The following LONP1 variants were observed in gnomAD, a reference collection of about 807,000 sequenced individuals.
LONP1 encodes the protein lon peptidase 1, mitochondrial.
LONP1 carries 31 observed loss-of-function variants against 98.5 expected under a neutral mutation model. That is an observed-to-expected ratio of 0.31 (90% CI 0.24 to 0.42). The LOEUF (loss-of-function observed/expected upper bound fraction) is 0.42, where lower values mean the gene tolerates loss of function less well. Among genes scored for constraint, LONP1 ranks in the 20% least tolerant of loss-of-function variants. LONP1 has a pLI of 1.00. For synonymous variants in LONP1, 781 were observed against 594.7 expected (o/e 1.31, Z -4.56); for missense variants, 1,336 against 1,350.6 (o/e 0.99, Z 0.17).
At chr19:5,705,538 C>T (rs543609856) in intron 8 of LONP1, among the ~76,000 whole-genome samples, 1 of 151,930 alleles carries the variant, frequency 6.6e-6, no homozygotes, top group East Asian at 1.9e-4. Context: ...CCTGCCAATT[C>T]ACAGGCCCTG....
chr19:5,693,696 G>A lies in LONP1; in HGVS notation c.2394C>T (p.Gly798=), dbSNP rs200606131. 6.3e-5 allele frequency: 101 copies of A among 1,613,974 alleles called. No individual in the cohort carries two copies. Among genetic ancestry groups the A allele is most frequent in the Non-Finnish European group, 8.3e-5 (98 of 1,179,988 alleles). Reference sequence around the variant, plus strand: ...CCAGCTGGCCTGTCACCTCCAGGCTGCCATCCTTGTCACCCTTGGCATCCT... The same window carrying A: ...CCAGCTGGCCTGTCACCTCCAGGCTACCATCCTTGTCACCCTTGGCATCCT... The part of the protein sequence containing the change: ...QDKDAKGDKD[G]SLEVTGQLGE... Residue 798 remains glycine, a synonymous_variant, in exon 16 of 18, where the codon GGC becomes GGT. Coordinates refer to ENST00000360614, the MANE Select transcript of LONP1 (RefSeq NM_004793.4).
chr19:5,713,175 G>A lies in LONP1; in HGVS notation c.597C>T (p.Asp199=). ...CGATCATGCGCAGCTTGTCCCCAAG[G>A]TCCTGCATCTCATGGATCTGGGCAA... The part of the protein sequence containing the change: ...GTFAQIHEMQ[D]LGDKLRMIVM... Residue 199 remains aspartate (D), a synonymous_variant, in exon 3 of 18, where the codon GAC becomes GAT. Transcript: ENST00000360614. 6.2e-7 allele frequency: 1 copy of A among 1,614,154 alleles called. No individual in the cohort carries two copies.
chr19:5,720,342 C>T (rs1381391489), upstream of LONP1: 2 of 740,522 alleles, frequency 2.7e-6, no homozygotes, highest in Non-Finnish European at 4.1e-6. Flanking sequence ...GCGCTGAAGG[C>T]CTTTTCCGGT....
chr19:5,695,138 T>G (rs2054903382), intron 13 of LONP1, among the ~76,000 whole-genome samples: 1 of 152,006 alleles, frequency 6.6e-6, no homozygotes, highest in East Asian at 1.9e-4. Context: ...CAATGGTATC[T>G]TAGATGCCGC....
At chr19:5,706,674 C>T (rs1157228746) in intron 7 of LONP1, among the ~76,000 whole-genome samples, 2 of 152,082 alleles carry the variant, frequency 1.3e-5, no homozygotes, top group African/African-American at 4.8e-5. Flanking sequence ...TGTGATCTGC[C>T]GAAAATCATG....
chr19:5,699,050 G>A lies in LONP1; in HGVS notation c.1662C>T (p.Asp554=), dbSNP rs375151978. Residue 554 remains aspartate (D), a synonymous_variant, in exon 10 of 18, where the codon GAC becomes GAT. Transcript: ENST00000360614. ...ACCTGTGGCCCTTGATCTCAGCCACGTCAGTCATGCCCCCGACGCTGAAGC... is the reference window on the plus strand; with the variant it reads ...ACCTGTGGCCCTTGATCTCAGCCACATCAGTCATGCCCCCGACGCTGAAGC... ...YFRFSVGGMT[D]VAEIKGHRRT... 1.6e-5 allele frequency: 25 copies of A among 1,608,236 alleles called. No individual in the cohort carries two copies. Among genetic ancestry groups the A allele is most frequent in the South Asian group, 9.9e-5 (9 of 90,786 alleles).
intron 10 of LONP1, among the ~76,000 whole-genome samples, chr19:5,697,693 C>T (rs996955044): frequency 1.3e-5 from 2 of 151,600 alleles, no homozygotes; most frequent in Non-Finnish European, 2.9e-5. Flanking sequence ...GAGCTGGGGG[C>T]AAAGGAGGGT....
At position 5,693,541 on chromosome 19, in the gene LONP1, G is replaced by A; in HGVS notation, c.2538+11C>T. ...TGGGCGGGAGCAGGTGGGAGCGGAT[G>A]GCGCGGTCACCTCGGGCACATGCAG... On this transcript the variant is annotated intron_variant, in intron 16 of 17. Transcript: ENST00000360614. The A allele has an allele frequency of 6.2e-7, 1 of 1,613,930 alleles. No individual in the cohort carries two copies. The highest frequency in any genetic ancestry group is 8.5e-7 in the Non-Finnish European group (1 of 1,179,940).
At position 5,693,442 on chromosome 19, in the gene LONP1, G is replaced by A; in HGVS notation, c.2559C>T (p.Gly853=). 6.2e-7 allele frequency: 1 copy of A among 1,611,650 alleles called. No individual in the cohort carries two copies. The highest frequency in any genetic ancestry group is 2.2e-5 in the East Asian group (1 of 44,792). ...TGACGATGGTGCAGCCTGCGCTTGGGCCGTCCTTGGGGGTGGCGCCCTGTG... is the reference window on the plus strand; with the variant it reads ...TGACGATGGTGCAGCCTGCGCTTGGACCGTCCTTGGGGGTGGCGCCCTGTG... ...HVPEGATPKD[G]PSAGCTIVTA... is the part of the protein sequence containing the mutation. Residue 853 remains glycine (G), a synonymous_variant, in exon 17 of 18, where the codon GGC becomes GGT. Transcript: ENST00000360614.
intron 4 of LONP1, chr19:5,708,801 C>G (rs2055190071): frequency 6.0e-6 from 1 of 167,216 alleles, no homozygotes; most frequent in South Asian, 1.4e-4. Flanking sequence ...ATCATGAGGT[C>G]AGGAGATCGA....
At chr19:5,696,826 T>A (rs1306952580) in intron 10 of LONP1, 69 bp from the exon 11 acceptor site, 1 of 1,077,646 alleles carries the variant, frequency 9.3e-7, no homozygotes, top group Non-Finnish European at 1.4e-6. Context: ...CCATGCACCC[T>A]CCAGGGCCAC....
At chr19:5,700,606 G>A (rs1008289252) in intron 9 of LONP1, among the ~76,000 whole-genome samples, 183 bp downstream of exon 9, 1 of 152,178 alleles carries the variant, frequency 6.6e-6, no homozygotes, top group Non-Finnish European at 1.5e-5. Flanking sequence ...CAGTCCACCT[G>A]GGAAATCCTC....
chr19:5,696,809 A>C, intron 10 of LONP1, 52 bp from the exon 11 acceptor site: 2 of 1,280,098 alleles, frequency 1.6e-6, no homozygotes, highest in Non-Finnish European at 2.3e-6. Flanking sequence ...GCTCGGCCAC[A>C]ACGACACCAT....
chr19:5,694,125 C>T (rs1222799717), intron 15 of LONP1, among the ~76,000 whole-genome samples: 1 of 152,178 alleles, frequency 6.6e-6, no homozygotes, highest in Non-Finnish European at 1.5e-5. Context: ...GCCCCAAGGC[C>T]CATCTGGATG....
intron 8 of LONP1, 28 bp from the exon 9 acceptor site, chr19:5,700,955 G>C (rs746427075): frequency 2.5e-6 from 4 of 1,613,430 alleles, no homozygotes; most frequent in Admixed American, 3.3e-5. Flanking sequence ...GAGAGATGCT[G>C]AGTGGAGCTC....
chr19:5,701,054 C>CTTTGGGAGCG, intron 8 of LONP1, 127 bp from the exon 9 acceptor site: 1 of 1,039,176 alleles, frequency 9.6e-7, no homozygotes, highest in South Asian at 1.4e-5. Context: ...TGGCTCACGC[C>CTTTGGGAGCG]TGTAATCCCA....
chr19:5,695,032 C>T, intron 13 of LONP1, 131 bp from the exon 14 acceptor site: 1 of 1,129,854 alleles, frequency 8.9e-7, no homozygotes. Context: ...ATGGTGAAAC[C>T]AGGGCCTGGA....
At chr19:5,694,687 A>T in intron 14 of LONP1, 74 bp downstream of exon 14, 1 of 1,488,188 alleles carries the variant, frequency 6.7e-7, no homozygotes, top group Non-Finnish European at 9.2e-7. Context: ...GATGATGGGC[A>T]TGGAAAGGTG....
intron 13 of LONP1, among the ~76,000 whole-genome samples, chr19:5,695,437 C>T (rs2054908562): frequency 6.6e-6 from 1 of 152,114 alleles, no homozygotes; most frequent in Admixed American, 6.5e-5. Context: ...CCCATGCCCC[C>T]CAGTCCTGTC....
Sources: allele counts gnomAD v4.1 joint callset (sites outside exome capture counted in the v4.1 genomes callset), GRCh38; gene constraint gnomAD v4.1.1; transcripts MANE v1.5; gene names NCBI Gene and HGNC (gene_info 2026-07-23, HGNC 2026-07-21).